NALF1: variants seen among roughly 807,000 people sequenced by gnomAD.
The protein encoded by NALF1 is NALCN channel auxiliary factor 1.
In NALF1, 3 loss-of-function variants were observed where a neutral mutation model predicts 48.4. That is an observed-to-expected ratio of 0.06 (90% CI 0.03 to 0.16). The LOEUF (loss-of-function observed/expected upper bound fraction) is 0.16. Among genes scored for constraint, NALF1 ranks in the 10% least tolerant of loss-of-function variants. The pLI, the probability that NALF1 is intolerant of heterozygous loss-of-function variation, is 1.00. For synonymous variants in NALF1, 262 were observed against 245.7 expected, an observed-to-expected ratio of 1.07 and a Z score of -0.62; for missense variants, 526 against 571.5, an observed-to-expected ratio of 0.92 and a Z score of 0.81.
chr13:107,298,736 A>G lies in NALF1; in HGVS notation c.916-87981T>C, dbSNP rs1566478223. 1.3e-5 allele frequency among the ~76,000 whole-genome samples: 2 copies of G among 152,082 alleles called. 1 individual carries two copies. Among genetic ancestry groups the G allele is most frequent in the South Asian group, 4.1e-4 (2 of 4,830 alleles). ...TGAGCCACTGCACCTGGCCACACAT[A>G]TGTTTCTTTATTTCACTGTTTCTTT... On this transcript the variant is annotated intron_variant, in intron 1 of 2. Transcript: ENST00000375915.
chr13:107,439,062 C>T (rs1299073590), intron 1 of NALF1, among the ~76,000 whole-genome samples: 1 of 151,876 alleles, frequency 6.6e-6, no homozygotes, highest in African/African-American at 2.4e-5. Flanking sequence ...AAAACACACG[C>T]ATATTTTAAA....
At chr13:107,419,933 T>C (rs894630341) in intron 1 of NALF1, among the ~76,000 whole-genome samples, 1 of 151,852 alleles carries the variant, frequency 6.6e-6, no homozygotes, top group Non-Finnish European at 1.5e-5. Flanking sequence ...TTTACTTATA[T>C]GTTACATGTC....
At chr13:107,696,293 G>T (rs1218999950) in intron 1 of NALF1, among the ~76,000 whole-genome samples, 1 of 152,194 alleles carries the variant, frequency 6.6e-6, no homozygotes. Flanking sequence ...TCTGGTAAAA[G>T]ATATACTATT....
intron 1 of NALF1, among the ~76,000 whole-genome samples, chr13:107,538,927 C>G (rs540202067): frequency 6.6e-6 from 1 of 152,108 alleles, no homozygotes; most frequent in African/African-American, 2.4e-5. Context: ...AAATAGTACC[C>G]ATTCTTATTA....
intron 1 of NALF1, among the ~76,000 whole-genome samples, chr13:107,552,299 A>G (rs1408574521): frequency 6.6e-6 from 1 of 152,192 alleles, no homozygotes; most frequent in Non-Finnish European, 1.5e-5. Flanking sequence ...GAACAAATAA[A>G]TAAATAGAAA....
intron 1 of NALF1, among the ~76,000 whole-genome samples, chr13:107,773,151 T>C (rs1302040718): frequency 1.6e-4 from 24 of 152,172 alleles, no homozygotes; most frequent in Admixed American, 6.5e-4. Flanking sequence ...ATATTGGCCA[T>C]GTGTTGTTAG....
intron 1 of NALF1, among the ~76,000 whole-genome samples, chr13:107,418,396 T>C (rs189354735): frequency 9.2e-5 from 14 of 152,132 alleles, no homozygotes; most frequent in Non-Finnish European, 1.9e-4. Context: ...ACGATTGTGC[T>C]TGTGGCTTGC....
chr13:107,600,456 A>T (rs1033699242), intron 1 of NALF1, among the ~76,000 whole-genome samples: 3 of 124,990 alleles, frequency 2.4e-5, no homozygotes, highest in African/African-American at 9.2e-5. Flanking sequence ...AATGTCTTTT[A>T]AAAAATGGCC....
At chr13:107,820,682 A>G (rs1879337527) in intron 1 of NALF1, among the ~76,000 whole-genome samples, 1 of 152,188 alleles carries the variant, frequency 6.6e-6, no homozygotes, top group African/African-American at 2.4e-5. Flanking sequence ...AATGCTTCAC[A>G]TTTTAATGAA....
intron 1 of NALF1, among the ~76,000 whole-genome samples, chr13:107,495,313 G>A (rs1231507770): frequency 6.6e-6 from 1 of 152,136 alleles, no homozygotes; most frequent in Admixed American, 6.6e-5. Flanking sequence ...AATGTTCTTA[G>A]CTCTTAGGTA....
At chr13:107,321,480 G>T (rs1255724388) in intron 1 of NALF1, among the ~76,000 whole-genome samples, 1 of 152,130 alleles carries the variant, frequency 6.6e-6, no homozygotes, top group Non-Finnish European at 1.5e-5. Flanking sequence ...TAACAAGTTT[G>T]TTCCAGGTGT....
At chr13:107,181,504 A>T (rs1010870843) in intron 2 of NALF1, among the ~76,000 whole-genome samples, 2 of 151,224 alleles carry the variant, frequency 1.3e-5, no homozygotes, top group Non-Finnish European at 3.0e-5. Flanking sequence ...TTTGTTTGAT[A>T]CATTTTATAG....
At position 107,513,991 on chromosome 13, in the gene NALF1, T is replaced by G. The variant is rs570395500; in HGVS notation, c.916-303236A>C. 3.3e-5 allele frequency among the ~76,000 whole-genome samples: 5 copies of G among 152,320 alleles called. No homozygotes were observed. In the South Asian group the frequency reaches 1.0e-3, roughly 32 times the overall value. ...GGAGAGGGCACCAGAAGAATGTACA[T>G]GGACAAGCTTTGCTAAGGAGCCTTT... On this transcript the variant is annotated intron_variant, in intron 1 of 2. Coordinates refer to ENST00000375915, the MANE Select transcript of NALF1 (RefSeq NM_001080396.3).
intron 1 of NALF1, among the ~76,000 whole-genome samples, chr13:107,766,322 T>C (rs984696451): frequency 6.6e-6 from 1 of 152,176 alleles, no homozygotes; most frequent in Non-Finnish European, 1.5e-5. Flanking sequence ...GCGTGAGAAA[T>C]GCTGCTTTGC....
chr13:107,268,050 G>A (rs1000921877), intron 1 of NALF1, among the ~76,000 whole-genome samples: 3 of 138,736 alleles, frequency 2.2e-5, no homozygotes, highest in Non-Finnish European at 4.5e-5. Context: ...GTAGTGGCGC[G>A]ATCTCGGCTC....
intron 1 of NALF1, among the ~76,000 whole-genome samples, chr13:107,582,401 C>G (rs966038383): frequency 6.6e-6 from 1 of 152,138 alleles, no homozygotes; most frequent in Non-Finnish European, 1.5e-5. Context: ...GTCAGAGAAG[C>G]AGGAAGGGAT....
chr13:107,613,063 A>AGCC (rs1879281961), intron 1 of NALF1, among the ~76,000 whole-genome samples: 1 of 151,952 alleles, frequency 6.6e-6, no homozygotes, highest in African/African-American at 2.4e-5. Flanking sequence ...GGAAGGGAGC[A>AGCC]GCCACAGGGA....
intron 1 of NALF1, among the ~76,000 whole-genome samples, chr13:107,695,774 C>T (rs1171494243): frequency 6.6e-6 from 1 of 152,184 alleles, no homozygotes; most frequent in Non-Finnish European, 1.5e-5. Flanking sequence ...CAATTAAGCA[C>T]ACCTTTATCA....
intron 1 of NALF1, among the ~76,000 whole-genome samples, chr13:107,812,390 G>A (rs915792771): frequency 1.3e-5 from 2 of 152,044 alleles, no homozygotes; most frequent in African/African-American, 4.8e-5. Context: ...TCTTAGACTA[G>A]TGAAAAAGAC....
Sources: allele counts gnomAD v4.1 joint callset (sites outside exome capture counted in the v4.1 genomes callset), GRCh38; gene constraint gnomAD v4.1.1; transcripts MANE v1.5; gene names NCBI Gene and HGNC (gene_info 2026-07-23, HGNC 2026-07-21).